MALT1: variants seen among roughly 807,000 people sequenced by gnomAD.
MALT1 encodes mucosa-associated lymphoid tissue lymphoma translocation protein 1.
In MALT1, 36 loss-of-function variants were observed where a neutral mutation model predicts 85.5. The observed-to-expected ratio is 0.42, with a 90% CI of 0.32 to 0.56. The LOEUF (loss-of-function observed/expected upper bound fraction) is 0.56. MALT1 is among the 20% of genes least tolerant of loss of function. MALT1 has a pLI of 0.10. For missense variants in MALT1, 716 were observed against 981.6 expected, an observed-to-expected ratio of 0.73 and a Z score of 3.62; for synonymous variants, 359 against 361.3, an observed-to-expected ratio of 0.99 and a Z score of 0.07.
intron 10 of MALT1, among the ~76,000 whole-genome samples, chr18:58,731,817 TCTC>T (rs75765365): frequency 0.053 from 8,127 of 152,294 alleles, 346 homozygotes; most frequent in East Asian, 0.22. Flanking sequence ...AATCTCCTGA[TCTC>T]CTGCTTAGAG....
chr18:58,732,414 C>A (rs1220332709), intron 10 of MALT1, among the ~76,000 whole-genome samples: 1 of 152,000 alleles, frequency 6.6e-6, no homozygotes, highest in East Asian at 1.9e-4. Flanking sequence ...CTAAAACTAT[C>A]CCAAATTTTA....
At chr18:58,683,916 T>C (rs370874631) in intron 2 of MALT1, among the ~76,000 whole-genome samples, 3 of 152,168 alleles carry the variant, frequency 2.0e-5, no homozygotes, top group African/African-American at 7.2e-5. Context: ...TAGGGAAATA[T>C]TATTTGTTTT....
At position 58,722,169 on chromosome 18, in the gene MALT1, G is replaced by A. The variant is rs78997912; in HGVS notation, c.1019-879G>A. Among the ~76,000 whole-genome samples, 1,215 of 147,870 alleles carry A rather than the reference G, an allele frequency of 8.2e-3. 24 individuals carry two copies. Among genetic ancestry groups the A allele is most frequent in the African/African-American group, 0.029 (1,175 of 40,058 alleles). ...AGTGGGTCTTGAGTTTTTAACCATT[G>A]ACCCCATTCCAGGCTATCAAAGAAA... On this transcript the variant is annotated intron_variant, in intron 9 of 16. Transcript: ENST00000649217.
chr18:58,720,449 T>G (rs1333667286), intron 9 of MALT1, among the ~76,000 whole-genome samples: 1 of 152,208 alleles, frequency 6.6e-6, no homozygotes, highest in Non-Finnish European at 1.5e-5. Flanking sequence ...CACCATCTTT[T>G]TCACCAGTAA....
intron 10 of MALT1, among the ~76,000 whole-genome samples, chr18:58,731,577 A>C (rs924737892): frequency 1.5e-4 from 23 of 152,116 alleles, no homozygotes; most frequent in Non-Finnish European, 7.4e-5. Context: ...CCTGCCCATA[A>C]TCTACCTCGC....
chr18:58,740,266 AT>A (rs1296380606), intron 13 of MALT1, among the ~76,000 whole-genome samples: 1 of 152,002 alleles, frequency 6.6e-6, no homozygotes, highest in Non-Finnish European at 1.5e-5. Flanking sequence ...GTGCTATTTC[AT>A]TTTGAAGAAC....
chr18:58,710,826 A>G, intron 6 of MALT1, 95 bp from the exon 7 acceptor site: 1 of 761,376 alleles, frequency 1.3e-6, no homozygotes, highest in Non-Finnish European at 2.2e-6. Context: ...GTTTGCCAAC[A>G]TTATCTCTAT....
At chr18:58,712,737 G>A (rs977079692) in intron 7 of MALT1, among the ~76,000 whole-genome samples, 1 of 152,038 alleles carries the variant, frequency 6.6e-6, no homozygotes, top group Admixed American at 6.6e-5. Context: ...TAAATACCCT[G>A]ATTTGATCAT....
At chr18:58,712,770 A>C (rs932554787) in intron 7 of MALT1, among the ~76,000 whole-genome samples, 1 of 152,184 alleles carries the variant, frequency 6.6e-6, no homozygotes, top group Non-Finnish European at 1.5e-5. Flanking sequence ...GCATGTGTCA[A>C]AATATCATAT....
chr18:58,686,270 G>A (rs117620328), intron 2 of MALT1, among the ~76,000 whole-genome samples: 227 of 152,232 alleles, frequency 1.5e-3, no homozygotes, highest in Non-Finnish European at 2.4e-3. Flanking sequence ...CAGGTAATCC[G>A]TCCGCCTCGG....
At chr18:58,722,548 G>A in intron 9 of MALT1, among the ~76,000 whole-genome samples, 1 of 151,728 alleles carries the variant, frequency 6.6e-6, no homozygotes, top group Non-Finnish European at 1.5e-5. Context: ...TACCCGTGAA[G>A]TTCTCTCTCT....
chr18:58,707,661 A>T (rs1390278231), intron 4 of MALT1, among the ~76,000 whole-genome samples: 1 of 152,198 alleles, frequency 6.6e-6, no homozygotes, highest in African/African-American at 2.4e-5. Context: ...TTGAGTATAA[A>T]AGAAAAATAG....
Position 58,745,815 on chromosome 18 carries a change from C to G in MALT1, c.2037+24C>G, listed in dbSNP as rs772629089. Reference sequence around the variant, plus strand: ...AGGTTACTACCTTTTCTGTTTATAGCTACTAATGGAAAACTTTATGAAACT... The same window carrying G: ...AGGTTACTACCTTTTCTGTTTATAGGTACTAATGGAAAACTTTATGAAACT... On this transcript the variant is annotated intron_variant, in intron 16 of 16. Transcript: ENST00000649217. 5.4e-5 allele frequency: 87 copies of G among 1,596,344 alleles called. No homozygotes were observed. The Middle Eastern group carries it at 6.7e-4, about 12-fold the overall frequency.
chr18:58,680,928 T>TCAAAAAAACACACACA (rs1361611417), intron 1 of MALT1, among the ~76,000 whole-genome samples: 3 of 38,300 alleles, frequency 7.8e-5, no homozygotes, highest in African/African-American at 2.6e-4. Context: ...AGACTCCGTC[T>TCAAAAAAACACACACA]CAAAAAAAAA....
intron 1 of MALT1, chr18:58,672,671 TAA>T (rs1459655814): frequency 2.0e-5 from 3 of 152,188 alleles, no homozygotes; most frequent in Admixed American, 1.3e-4. Context: ...GTAACAGAAA[TAA>T]TACTTTCGTG....
chr18:58,734,303 A>G lies in MALT1; in HGVS notation c.1401-4A>G. On this transcript the variant is annotated splice_polypyrimidine_tract_variant and splice_region_variant and intron_variant, in intron 11 of 16. Transcript: ENST00000649217. ...ATCTGCCCTCCTCCGCCTCCCTTAA[A>G]TAGAAATGACTACGATGATACCATT... 2 of 1,609,020 alleles carry G rather than the reference A, an allele frequency of 1.2e-6. No individual in the cohort carries two copies. Among genetic ancestry groups the G allele is most frequent in the Non-Finnish European group, 8.5e-7 (1 of 1,175,378 alleles).
rs77029810 is a variant in MALT1 at position 58,707,753 on chromosome 18, C to A, written c.650-1625C>A. 3.3e-3 allele frequency among the ~76,000 whole-genome samples: 509 copies of A among 152,242 alleles called. 2 individuals carry two copies. Among genetic ancestry groups the A allele is most frequent in the African/African-American group, 0.012 (487 of 41,526 alleles). ...TTTTTATGCTCAGGAACTAGACACA[C>A]CCCTCGTAATGGCTACTAGAATAGG... is the stretch of plus-strand genomic sequence containing the variant. On this transcript the variant is annotated intron_variant, in intron 4 of 16. Coordinates refer to ENST00000649217, the MANE Select transcript of MALT1 (RefSeq NM_006785.4).
chr18:58,689,325 T>C (rs1278605531), intron 2 of MALT1, among the ~76,000 whole-genome samples: 1 of 152,146 alleles, frequency 6.6e-6, no homozygotes, highest in Non-Finnish European at 1.5e-5. Context: ...TTCTGCAAAT[T>C]ACGTACCTTT....
At chr18:58,724,015 A>G (rs893427045) in intron 10 of MALT1, among the ~76,000 whole-genome samples, 5 of 152,188 alleles carry the variant, frequency 3.3e-5, no homozygotes, top group African/African-American at 4.8e-5. Context: ...ACATTGTGCA[A>G]TAACATCAGA....
Sources: allele counts gnomAD v4.1 joint callset (sites outside exome capture counted in the v4.1 genomes callset), GRCh38; gene constraint gnomAD v4.1.1; transcripts MANE v1.5; gene names NCBI Gene and HGNC (gene_info 2026-07-23, HGNC 2026-07-21).